EDIL3: variants seen among roughly 807,000 people sequenced by gnomAD.
EDIL3 encodes EGF-like repeat and discoidin I-like domain-containing protein 3.
EDIL3 carries 37 observed loss-of-function variants against 67.4 expected under a neutral mutation model. That is an observed-to-expected ratio of 0.55 (90% CI 0.42 to 0.72). The LOEUF (loss-of-function observed/expected upper bound fraction) is 0.72, where lower values mean the gene tolerates loss of function less well. Among genes scored for constraint, EDIL3 ranks in the 30% least tolerant of loss-of-function variants. The pLI is 0.00. For synonymous variants in EDIL3, 195 were observed against 196.3 expected (o/e 0.99, Z 0.05); for missense variants, 527 against 586.3 (o/e 0.90, Z 1.04).
At chr5:84,081,339 CA>C (rs1349562575) in intron 6 of EDIL3, among the ~76,000 whole-genome samples, 1 of 152,036 alleles carries the variant, frequency 6.6e-6, no homozygotes, top group Non-Finnish European at 1.5e-5. Flanking sequence ...GCTTGTATAT[CA>C]AGTTTGATGA....
intron 1 of EDIL3, among the ~76,000 whole-genome samples, chr5:84,309,332 G>T (rs191038640): frequency 1.7e-5 from 2 of 120,072 alleles, no homozygotes; most frequent in Admixed American, 8.4e-5. Context: ...TTTTTTTGGC[G>T]ATTTCTTTTC....
chr5:84,196,641 A>T (rs1743712541), intron 3 of EDIL3, among the ~76,000 whole-genome samples: 1 of 152,004 alleles, frequency 6.6e-6, no homozygotes, highest in African/African-American at 2.4e-5. Context: ...CCTGGTAATG[A>T]TGCATCCAAT....
intron 1 of EDIL3, among the ~76,000 whole-genome samples, chr5:84,365,958 T>C (rs1394326821): frequency 6.6e-6 from 1 of 152,178 alleles, no homozygotes; most frequent in Non-Finnish European, 1.5e-5. Flanking sequence ...GTTATGTATA[T>C]AACCTCTAAA....
intron 6 of EDIL3, among the ~76,000 whole-genome samples, chr5:84,075,947 TTATA>T (rs10546643): frequency 0.042 from 5,523 of 130,576 alleles, 270 homozygotes; most frequent in East Asian, 0.16. Context: ...ATTGTGGGTT[TTATA>T]TATATATATA....
intron 9 of EDIL3, among the ~76,000 whole-genome samples, chr5:84,041,553 T>A (rs1384644062): frequency 1.4e-5 from 2 of 147,696 alleles, no homozygotes; most frequent in Non-Finnish European, 3.0e-5. Context: ...TGTGCATATA[T>A]ATATACATAT....
At chr5:84,380,199 T>C (rs969844173) in intron 1 of EDIL3, among the ~76,000 whole-genome samples, 10 of 152,008 alleles carry the variant, frequency 6.6e-5, no homozygotes, top group Admixed American at 3.3e-4. Context: ...ACATGGACTA[T>C]GATAAAAATA....
chr5:84,121,534 GATCGATCT>G (rs71605898), intron 5 of EDIL3, among the ~76,000 whole-genome samples: 17,377 of 99,918 alleles, frequency 0.17, 1,272 homozygotes, highest in East Asian at 0.24. Context: ...CACTAACTTA[GATCGATCT>G]ATCTATCTAT....
chr5:84,109,832 T>C (rs1747528127), intron 5 of EDIL3, among the ~76,000 whole-genome samples: 1 of 152,088 alleles, frequency 6.6e-6, no homozygotes, highest in Admixed American at 6.5e-5. Context: ...AGTCTGTGAG[T>C]TGTCAAGGTA....
chr5:84,367,023 T>G (rs564589189), intron 1 of EDIL3, among the ~76,000 whole-genome samples: 2 of 152,316 alleles, frequency 1.3e-5, no homozygotes, highest in South Asian at 2.1e-4. Context: ...AACCAAGTAC[T>G]ACTGACACAC....
intron 1 of EDIL3, among the ~76,000 whole-genome samples, chr5:84,312,982 A>C (rs540636732): frequency 6.6e-6 from 1 of 152,342 alleles, no homozygotes; most frequent in South Asian, 2.1e-4. Context: ...ATTTTAACAA[A>C]TCTCAGAAAA....
intron 1 of EDIL3, among the ~76,000 whole-genome samples, chr5:84,347,938 T>TG (rs1353204524): frequency 3.9e-5 from 6 of 152,218 alleles, no homozygotes; most frequent in East Asian, 1.9e-4. Context: ...CCTTATCTCC[T>TG]GCCAGTATGT....
rs761442329 is a variant in EDIL3 at position 84,229,815 on chromosome 5, A to C, written c.226+40T>G. ...TTGACTCTCTATTATTAAAGGCATGACATTAAATAAGAATTATGTTTACAA... is the reference window on the plus strand; with the variant it reads ...TTGACTCTCTATTATTAAAGGCATGCCATTAAATAAGAATTATGTTTACAA... On this transcript the variant is annotated intron_variant, in intron 3 of 10. Coordinates refer to ENST00000296591, the MANE Select transcript of EDIL3 (RefSeq NM_005711.5). 5.1e-6 allele frequency: 8 copies of C among 1,575,622 alleles called. No individual in the cohort carries two copies. The Admixed American group carries it at 1.1e-4, about 21-fold the overall frequency.
chr5:84,143,632 T>C (rs1026342014), intron 4 of EDIL3, among the ~76,000 whole-genome samples: 3 of 152,088 alleles, frequency 2.0e-5, no homozygotes, highest in Non-Finnish European at 4.4e-5. Flanking sequence ...CACAGATATT[T>C]GGCCAGTATG....
At chr5:84,049,720 C>T (rs1746292513) in intron 9 of EDIL3, among the ~76,000 whole-genome samples, 1 of 150,060 alleles carries the variant, frequency 6.7e-6, no homozygotes, top group Non-Finnish European at 1.5e-5. Flanking sequence ...AGCTTTATTG[C>T]TCAAAGTATT....
intron 5 of EDIL3, among the ~76,000 whole-genome samples, chr5:84,110,337 T>C (rs996948032): frequency 6.6e-6 from 1 of 152,196 alleles, no homozygotes; most frequent in African/African-American, 2.4e-5. Flanking sequence ...TGCTATCCAC[T>C]TCCCCCATAT....
intron 1 of EDIL3, among the ~76,000 whole-genome samples, chr5:84,309,360 A>G (rs1010965660): frequency 2.3e-4 from 11 of 47,248 alleles, no homozygotes; most frequent in African/African-American, 1.0e-3. Context: ...TTATTATTAT[A>G]CTTTAAGTTT....
chr5:84,259,541 G>A (rs1745186621), intron 1 of EDIL3, among the ~76,000 whole-genome samples: 2 of 152,138 alleles, frequency 1.3e-5, no homozygotes, highest in East Asian at 1.9e-4. Flanking sequence ...AGCTCATGCC[G>A]ATTTGCTTTT....
At chr5:84,082,205 T>C (rs1231089418) in intron 6 of EDIL3, among the ~76,000 whole-genome samples, 1 of 152,236 alleles carries the variant, frequency 6.6e-6, no homozygotes, top group Non-Finnish European at 1.5e-5. Context: ...ACTCTACACC[T>C]TTCCATGTGT....
At chr5:84,073,610 G>C (rs914069255) in intron 6 of EDIL3, among the ~76,000 whole-genome samples, 8 of 152,034 alleles carry the variant, frequency 5.3e-5, no homozygotes, top group Non-Finnish European at 1.2e-4. Context: ...GCTTCAAAGA[G>C]AATAAAATAC....
Sources: gnomAD v4.1 joint callset for allele counts (sites outside exome capture counted in the v4.1 genomes callset) on GRCh38, gnomAD v4.1.1 for gene constraint, MANE v1.5 for transcripts, NCBI Gene and HGNC (gene_info 2026-07-23, HGNC 2026-07-21) for gene names.